The following SPTBN4 variants were observed in gnomAD, a reference collection of about 807,000 sequenced individuals.
SPTBN4 encodes spectrin beta chain, non-erythrocytic 4.
Under a neutral mutation model 277.8 loss-of-function variants are expected in SPTBN4, and 96 were observed. The ratio of observed to expected loss-of-function variants is 0.35; its 90% CI spans 0.29 to 0.41. The LOEUF is 0.41. Ranked by LOEUF, SPTBN4 falls within the 10% of genes least tolerant of loss-of-function variation. The pLI, the probability that SPTBN4 is intolerant of heterozygous loss-of-function variation, is 1.00. For missense variants in SPTBN4, 3,006 were observed against 3,595.7 expected, an observed-to-expected ratio of 0.84 and a Z score of 4.19; for synonymous variants, 1,481 against 1,580.3, an observed-to-expected ratio of 0.94 and a Z score of 1.49.
chr19:40,518,538 T>C (rs977177363), intron 15 of SPTBN4, among the ~76,000 whole-genome samples: 1 of 151,616 alleles, frequency 6.6e-6, no homozygotes, highest in East Asian at 2.0e-4. Flanking sequence ...GCTCCAGCAA[T>C]CCTCCCATCT....
intron 7 of SPTBN4, among the ~76,000 whole-genome samples, chr19:40,500,839 T>G (rs902459669): frequency 6.7e-6 from 1 of 149,054 alleles, no homozygotes; most frequent in Non-Finnish European, 1.5e-5. Flanking sequence ...AGCTTGAGAC[T>G]GTCTCAAAAA....
intron 20 of SPTBN4, among the ~76,000 whole-genome samples, chr19:40,538,650 T>C (rs1003077958): frequency 1.3e-5 from 2 of 152,140 alleles, no homozygotes; most frequent in Non-Finnish European, 2.9e-5. Context: ...TGCAATGGCG[T>C]GATCATGGCT....
intron 35 of SPTBN4, among the ~76,000 whole-genome samples, chr19:40,575,014 C>CAA (rs11458145): frequency 0.05 from 4,522 of 89,940 alleles, 142 homozygotes; most frequent in African/African-American, 0.084. Context: ...GACTCTGTCT[C>CAA]AAAAAAAAAA....
intron 2 of SPTBN4, among the ~76,000 whole-genome samples, chr19:40,484,602 AG>A (rs1432991540): frequency 2.0e-5 from 3 of 152,116 alleles, no homozygotes; most frequent in Non-Finnish European, 4.4e-5. Flanking sequence ...AGAAAGAGGA[AG>A]GCCAGGCAGC....
intron 2 of SPTBN4, among the ~76,000 whole-genome samples, chr19:40,486,307 AG>A (rs2080071738): frequency 6.6e-6 from 1 of 151,284 alleles, no homozygotes; most frequent in African/African-American, 2.4e-5. Flanking sequence ...AAAAAAAAGG[AG>A]GGGTTGGGAA....
Position 40,560,784 on chromosome 19 carries a change from C to G in SPTBN4, c.5915+381C>G. ...CAGTGGCTTCATTAGTGGGCATGGGCTTATTGCTCACATAGTGGTTGGATG... is the reference window on the plus strand; with the variant it reads ...CAGTGGCTTCATTAGTGGGCATGGGGTTATTGCTCACATAGTGGTTGGATG... On this transcript the variant is annotated intron_variant, in intron 27 of 35. Transcript: ENST00000598249. This position sits in a 1 kb window ranked among gnomAD's most constrained non-coding sequence, Gnocchi z 5.2. 3 of 1,206,048 alleles carry G rather than the reference C, an allele frequency of 2.5e-6. No individual in the cohort carries two copies. The highest frequency in any genetic ancestry group is 2.1e-6 in the Non-Finnish European group (2 of 955,658). 74.7% of individuals were successfully genotyped at this position (1,206,048 alleles called of 1,614,324 possible).
intron 20 of SPTBN4, 109 bp from the exon 21 acceptor site, chr19:40,549,072 GAGGGTGGA>G: frequency 1.3e-6 from 1 of 773,592 alleles, no homozygotes; most frequent in Non-Finnish European, 2.0e-6. Flanking sequence ...TGAACAAGGA[GAGGGTGGA>G]AGGGTGGGCC....
intron 24 of SPTBN4, 62 bp from the exon 25 acceptor site, chr19:40,556,022 G>T (rs2080974287): frequency 3.4e-6 from 5 of 1,470,578 alleles, no homozygotes; most frequent in Non-Finnish European, 4.6e-6. Flanking sequence ...GGGTTTAGGG[G>T]GGTCACGCTC....
chr19:40,540,975 C>G (rs1298161768), intron 20 of SPTBN4, among the ~76,000 whole-genome samples: 2 of 152,166 alleles, frequency 1.3e-5, no homozygotes, highest in African/African-American at 4.8e-5. Flanking sequence ...CAGCAGTACA[C>G]ATGAGCTCCT....
At chr19:40,537,620 G>A (rs1042313416) in intron 20 of SPTBN4, among the ~76,000 whole-genome samples, 4 of 152,042 alleles carry the variant, frequency 2.6e-5, no homozygotes, top group Non-Finnish European at 5.9e-5. Context: ...CCATGAGGGA[G>A]GTCCTGTTAT....
At chr19:40,485,325 ATT>A (rs2080059499) in intron 2 of SPTBN4, among the ~76,000 whole-genome samples, 1 of 151,682 alleles carries the variant, frequency 6.6e-6, no homozygotes, top group African/African-American at 2.4e-5. Context: ...AGTTTTTTGT[ATT>A]TTTAGAAGAG....
chr19:40,487,097 C>T (rs1247720675), intron 2 of SPTBN4, among the ~76,000 whole-genome samples: 2 of 150,686 alleles, frequency 1.3e-5, no homozygotes, highest in East Asian at 2.0e-4. Flanking sequence ...AGTGCAGTGG[C>T]GTGATCTCGG....
In SPTBN4 at chr19:40,552,370, G is replaced by T. The variant is rs180797640; in HGVS notation, c.4675-1777G>T. The stretch of plus-strand genomic sequence containing the variant: ...CTCGGGAGGCTGGGGCAGGAGAATC[G>T]CTTGAACCTAGGAGGCGGAGGTTGC... On this transcript the variant is annotated intron_variant, in intron 22 of 35. Coordinates refer to ENST00000598249, the MANE Select transcript of SPTBN4 (RefSeq NM_020971.3). Among the ~76,000 whole-genome samples the T allele has an allele frequency of 5.3e-5, 8 of 149,868 alleles. No individual in the cohort carries two copies. The East Asian group carries it at 1.6e-3, about 30-fold the overall frequency.
Position 40,566,340 on chromosome 19 carries a change from C to G in SPTBN4, c.6317C>G (p.Ser2106Cys). ...GCAGCCTGGGAAGAGAGGTTCAGCT[C>G]TCTGCGGCGCCTGACCACGGTCAGC... ...AAAAWEERFS[S>C]LRRLTTIEKI... The change falls in exon 30 of 36, where the codon TCT becomes TGT. Residue 2106 changes from serine (S) to cysteine (C), a missense_variant. Transcript: ENST00000598249. 4 of 1,574,260 alleles carry G rather than the reference C, an allele frequency of 2.5e-6. No homozygotes were observed. The highest frequency in any genetic ancestry group is 1.2e-5 in the South Asian group (1 of 85,778).
Position 40,523,527 on chromosome 19 carries a change from G to C in SPTBN4, c.3745G>C (p.Glu1249Gln). 1.2e-6 allele frequency: 2 copies of C among 1,614,194 alleles called. No homozygotes were observed. Among genetic ancestry groups the C allele is most frequent in the Non-Finnish European group, 1.7e-6 (2 of 1,180,038 alleles). ...KQHRDFLTTMELSQQKMQVAV... is the reference protein window; with the variant it reads ...KQHRDFLTTMQLSQQKMQVAV... The stretch of plus-strand genomic sequence containing the variant: ...GCACCGTGACTTTCTCACCACCATG[G>C]AGCTGAGCCAGCAAAAGATGCAGGT... Residue 1249 changes from glutamate to glutamine, a missense_variant, in exon 17 of 36, where the codon GAG (glutamate) becomes CAG (glutamine). Around this residue, in one of 5 missense-constraint regions of SPTBN4, gnomAD observed 1,759 missense variants for 2,061.5 expected, o/e 0.85. Coordinates refer to ENST00000598249, the MANE Select transcript of SPTBN4 (RefSeq NM_020971.3).
At chr19:40,487,641 G>A in intron 2 of SPTBN4, 56 bp from the exon 3 acceptor site, 3 of 1,558,334 alleles carry the variant, frequency 1.9e-6, no homozygotes, top group East Asian at 2.3e-5. Context: ...CTTGGCTCGC[G>A]GAGGGCTGGG....
chr19:40,487,605 C>G (rs2080087023), intron 2 of SPTBN4, 92 bp from the exon 3 acceptor site: 1 of 1,486,436 alleles, frequency 6.7e-7, no homozygotes. Flanking sequence ...AGGCTGGACT[C>G]TTGCAGAGAG....
intron 16 of SPTBN4, among the ~76,000 whole-genome samples, chr19:40,522,803 C>T (rs530969465): frequency 3.9e-5 from 6 of 152,168 alleles, no homozygotes; most frequent in Admixed American, 2.6e-4. Flanking sequence ...GTCAATGCAT[C>T]GCTAATATTG....
At position 40,557,332 on chromosome 19, in the gene SPTBN4, A is replaced by C. The variant is rs748632485; in HGVS notation, c.5599A>C (p.Arg1867=). The change falls in exon 26 of 36, where the codon AGA becomes CGA. Residue 1867 remains arginine (R), a synonymous_variant. Transcript: ENST00000598249. ...LPRLTTPPEP[R]PSASSMQRTL... is the part of the protein sequence containing the mutation. ...CCGCCTGACCACCCCGCCTGAGCCG[A>C]GACCCAGTGCCAGTTCCATGCAGCG... 1.2e-6 allele frequency: 2 copies of C among 1,612,804 alleles called. No individual in the cohort carries two copies. The highest frequency in any genetic ancestry group is 2.2e-5 in the South Asian group (2 of 90,950).
Sources: gnomAD v4.1 joint callset for allele counts (sites outside exome capture counted in the v4.1 genomes callset) on GRCh38, gnomAD v4.1.1 for gene constraint, gnomAD v4.1.1 regional missense constraint, Gnocchi (gnomAD v3.1) non-coding constraint, MANE v1.5 for transcripts, NCBI Gene and HGNC (gene_info 2026-07-23, HGNC 2026-07-21) for gene names.